The following SVEP1 variants were observed in gnomAD, a reference collection of about 807,000 sequenced individuals.
SVEP1 encodes the protein sushi, von Willebrand factor type A, EGF and pentraxin domain containing 1.
In SVEP1, 164 loss-of-function variants were observed where a neutral mutation model predicts 367.3. That is an observed-to-expected ratio of 0.45 (90% CI 0.39 to 0.51). The LOEUF (loss-of-function observed/expected upper bound fraction) is 0.51. Among genes scored for constraint, SVEP1 ranks in the 20% least tolerant of loss-of-function variants. The pLI, the probability that SVEP1 is intolerant of heterozygous loss-of-function variation, is 0.00. For synonymous variants in SVEP1, 1,666 were observed against 1,611.6 expected (o/e 1.03, Z -0.81); for missense variants, 4,117 against 4,425.3 (o/e 0.93, Z 1.98).
At chr9:110,527,230 T>C (rs1339073695) in intron 3 of SVEP1, among the ~76,000 whole-genome samples, 2 of 152,044 alleles carry the variant, frequency 1.3e-5, no homozygotes, top group Non-Finnish European at 2.9e-5. Context: ...ATATAGAGGA[T>C]CTCTGTATAT....
intron 9 of SVEP1, among the ~76,000 whole-genome samples, chr9:110,488,646 G>T (rs1291704939): frequency 6.6e-6 from 1 of 152,104 alleles, no homozygotes; most frequent in Non-Finnish European, 1.5e-5. Context: ...AGGATCACTT[G>T]AGGCCAGGAG....
At chr9:110,416,871 A>G (rs558504659) in intron 36 of SVEP1, among the ~76,000 whole-genome samples, 3 of 152,054 alleles carry the variant, frequency 2.0e-5, no homozygotes, top group South Asian at 2.1e-4. Flanking sequence ...TGTTCTGTAC[A>G]TTGTAGGATA....
rs746170979 is a variant in SVEP1, at chr9:110,387,334, T to A, written c.10011A>T (p.Ala3337=). ...TCCAGGTTCCATTTTCTGTGCAGTG[T>A]GCCTCAGATGGCCCTTCAAGACTGT... ...RGYSLEGPSE[A]HCTENGTWSH... Residue 3337 remains alanine, a synonymous_variant, in exon 42 of 48, where the codon GCA becomes GCT. Transcript: ENST00000374469. 3.7e-6 allele frequency: 6 copies of A among 1,612,944 alleles called. No individual in the cohort carries two copies. Among genetic ancestry groups the A allele is most frequent in the Non-Finnish European group, 5.1e-6 (6 of 1,179,634 alleles).
At chr9:110,541,790 GATATCTATAT>G (rs1323032007) in intron 3 of SVEP1, among the ~76,000 whole-genome samples, 9 of 138,556 alleles carry the variant, frequency 6.5e-5, no homozygotes, top group African/African-American at 1.3e-4. Flanking sequence ...TATATACATA[GATATCTATAT>G]ATATCTATAT....
intron 22 of SVEP1, among the ~76,000 whole-genome samples, chr9:110,453,807 T>C (rs1288870062): frequency 1.3e-5 from 2 of 151,720 alleles, no homozygotes; most frequent in Admixed American, 6.6e-5. Context: ...AGGCAGAGGT[T>C]GTAGTGAGCC....
intron 2 of SVEP1, among the ~76,000 whole-genome samples, chr9:110,548,880 T>C (rs564603869): frequency 1.3e-5 from 2 of 152,290 alleles, no homozygotes; most frequent in Admixed American, 1.3e-4. Context: ...TCTAGCACTT[T>C]GGGAGGCCCA....
rs762041994 is a variant in SVEP1 at position 110,411,273 on chromosome 9, A to G, written c.6438T>C (p.Cys2146=). 6.8e-6 allele frequency: 11 copies of G among 1,613,880 alleles called. No homozygotes were observed. In the Admixed American group the frequency reaches 1.0e-4, roughly 15 times the overall value. Residue 2146 remains cysteine (C), a synonymous_variant, in exon 37 of 48, where the codon TGT becomes TGC. Coordinates refer to ENST00000374469, the MANE Select transcript of SVEP1 (RefSeq NM_153366.4). The part of the protein sequence containing the change: ...PMSIQCIPVR[C]GEPPSIMNGY... ...CATTCATGATGCTTGGTGGCTCTCC[A>G]CACCGCACAGGGATGCACTGGATGG...
chr9:110,492,794 G>GC (rs1460549360), intron 8 of SVEP1, among the ~76,000 whole-genome samples: 1 of 152,086 alleles, frequency 6.6e-6, no homozygotes, highest in Non-Finnish European at 1.5e-5. Flanking sequence ...AAGGAGACCA[G>GC]CATCCCATTC....
Position 110,455,704 on chromosome 9 carries a change from C to A in SVEP1, c.3674-1G>T. ...TCGATGTCTGTTTCACACTTTAAGC[C>A]TACAATGTAAACCAAATGCTGAGGG... is the stretch of plus-strand genomic sequence containing the variant. On this transcript the variant is annotated splice_acceptor_variant, in intron 21 of 47. Transcript: ENST00000374469. LOFTEE classifies it high-confidence loss of function. 1 of 1,607,730 alleles carries A rather than the reference C, an allele frequency of 6.2e-7. No individual in the cohort carries two copies. Among genetic ancestry groups the A allele is most frequent in the Non-Finnish European group, 8.5e-7 (1 of 1,177,062 alleles).
At chr9:110,528,074 GTA>G (rs35705480) in intron 3 of SVEP1, among the ~76,000 whole-genome samples, 3 of 135,970 alleles carry the variant, frequency 2.2e-5, no homozygotes, top group East Asian at 2.1e-4. Flanking sequence ...CATGGTGTAT[GTA>G]TATATATATA....
chr9:110,536,090 G>A (rs1246351731), intron 3 of SVEP1, among the ~76,000 whole-genome samples: 2 of 152,008 alleles, frequency 1.3e-5, no homozygotes, highest in African/African-American at 4.8e-5. Flanking sequence ...CTGTGGATCT[G>A]TCACAGATGG....
chr9:110,448,492 A>G (rs2118605157), intron 24 of SVEP1, among the ~76,000 whole-genome samples: 1 of 152,332 alleles, frequency 6.6e-6, no homozygotes, highest in Admixed American at 6.5e-5. Context: ...GTTGGAATTG[A>G]GGGATCTTTA....
intron 40 of SVEP1, among the ~76,000 whole-genome samples, chr9:110,390,359 A>ATGTG (rs1827635043): frequency 1.7e-5 from 1 of 57,702 alleles, no homozygotes; most frequent in African/African-American, 1.0e-4. Context: ...ACTTATATAT[A>ATGTG]TATACTTATA....
chr9:110,449,250 A>G (rs187695133), intron 24 of SVEP1, among the ~76,000 whole-genome samples: 9 of 152,244 alleles, frequency 5.9e-5, no homozygotes, highest in Non-Finnish European at 7.4e-5. Context: ...CTGCCCCTCA[A>G]ATACTACTAT....
chr9:110,385,642 C>T (rs10980355), intron 43 of SVEP1, among the ~76,000 whole-genome samples: 9,807 of 152,230 alleles, frequency 0.064, 527 homozygotes, highest in African/African-American at 0.15. Flanking sequence ...GAATTTAATA[C>T]CTTGCTCATT....
intron 44 of SVEP1, among the ~76,000 whole-genome samples, chr9:110,379,011 C>T (rs993626049): frequency 1.3e-5 from 2 of 151,640 alleles, no homozygotes; most frequent in African/African-American, 2.4e-5. Flanking sequence ...GCGTACTTCT[C>T]GACTTCTAGC....
intron 16 of SVEP1, among the ~76,000 whole-genome samples, 178 bp from the exon 17 acceptor site, chr9:110,469,279 A>C (rs967334907): frequency 2.0e-5 from 3 of 152,210 alleles, no homozygotes; most frequent in African/African-American, 7.2e-5. Flanking sequence ...TATTCCCAGA[A>C]ACCAACAGTA....
At chr9:110,552,858 A>G (rs959136162) in intron 1 of SVEP1, among the ~76,000 whole-genome samples, 4 of 152,154 alleles carry the variant, frequency 2.6e-5, no homozygotes, top group African/African-American at 9.7e-5. Flanking sequence ...AGGGCACCTG[A>G]AGAAGCTTAT....
At chr9:110,458,364 A>G (rs1828808548) in intron 20 of SVEP1, 107 bp downstream of exon 20, 1 of 880,282 alleles carries the variant, frequency 1.1e-6, no homozygotes, top group South Asian at 1.7e-5. Context: ...ATACATCTTG[A>G]TTACTTAAAG....
Sources: allele counts gnomAD v4.1 joint callset (sites outside exome capture counted in the v4.1 genomes callset), GRCh38; gene constraint gnomAD v4.1.1; transcripts MANE v1.5; gene names NCBI Gene and HGNC (gene_info 2026-07-23, HGNC 2026-07-21).